EPB41L4A: variants seen among roughly 807,000 people sequenced by gnomAD.
EPB41L4A encodes band 4.1-like protein 4A.
In EPB41L4A, 100 loss-of-function variants were observed where a neutral mutation model predicts 108.6. The ratio of observed to expected loss-of-function variants is 0.92; its 90% CI spans 0.78 to 1.09. The LOEUF (loss-of-function observed/expected upper bound fraction) is 1.09, where lower values mean the gene tolerates loss of function less well. Ranked by LOEUF, EPB41L4A falls within the 50% of genes least tolerant of loss-of-function variation. The pLI, the probability that EPB41L4A is intolerant of heterozygous loss-of-function variation, is 0.00. For synonymous variants in EPB41L4A, 319 were observed against 289.0 expected (o/e 1.10, Z -1.05); for missense variants, 1,030 against 842.7 (o/e 1.22, Z -2.75).
rs116064648 is a variant in EPB41L4A at position 112,327,825 on chromosome 5, T to G, written c.100-20335A>C. ...ACAGAAAGGGAGAGAGGGAGGGAAG[T>G]GGGCAAGCAGAACTGGATTAGCAAT... On this transcript the variant is annotated intron_variant, in intron 1 of 22. Transcript: ENST00000261486. 5.8e-3 allele frequency among the ~76,000 whole-genome samples: 875 copies of G among 152,080 alleles called. 3 individuals are homozygous for G. Among genetic ancestry groups the G allele is most frequent in the Non-Finnish European group, 8.8e-3 (600 of 67,982 alleles).
chr5:112,191,358 G>C (rs1761690404), intron 17 of EPB41L4A, among the ~76,000 whole-genome samples: 1 of 152,022 alleles, frequency 6.6e-6, no homozygotes, highest in Admixed American at 6.5e-5. Flanking sequence ...CAGATGGGGT[G>C]GTTATTTACA....
Position 112,186,608 on chromosome 5 carries a change from C to T in EPB41L4A, c.1503-2473G>A, listed in dbSNP as rs112210332. 3.3e-5 allele frequency among the ~76,000 whole-genome samples: 5 copies of T among 152,304 alleles called. 1 individual carries two copies. Among genetic ancestry groups the T allele is most frequent in the African/African-American group, 1.2e-4 (5 of 41,568 alleles). On this transcript the variant is annotated intron_variant, in intron 17 of 22. Coordinates refer to ENST00000261486, the MANE Select transcript of EPB41L4A (RefSeq NM_022140.5). ...ATGCCCTCTACTGGCGATGCTGTTT[C>T]ATAAATATTCTAACAAGATGCATTA...
chr5:112,146,791 T>C (rs555035996), intron 12 of EPB41L4A, among the ~76,000 whole-genome samples: 5 of 152,298 alleles, frequency 3.3e-5, no homozygotes, highest in Admixed American at 2.6e-4. Flanking sequence ...TCCTCCTGGT[T>C]AGCTTAGAAC....
At chr5:112,283,900 A>T (rs1753115451) in intron 2 of EPB41L4A, among the ~76,000 whole-genome samples, 1 of 152,178 alleles carries the variant, frequency 6.6e-6, no homozygotes, top group South Asian at 2.1e-4. Context: ...TGAGTATACA[A>T]TGGCTTTACT....
intron 1 of EPB41L4A, among the ~76,000 whole-genome samples, chr5:112,412,965 C>G (rs1229995842): frequency 6.6e-6 from 1 of 152,190 alleles, no homozygotes; most frequent in African/African-American, 2.4e-5. Context: ...TAGGTTTAAA[C>G]AGCTTCAAGA....
chr5:112,297,806 T>C (rs1203743846), intron 2 of EPB41L4A, among the ~76,000 whole-genome samples: 1 of 152,194 alleles, frequency 6.6e-6, no homozygotes, highest in South Asian at 2.1e-4. Context: ...CCTTGATCCA[T>C]CTTGAGTTGA....
rs1369682818 is a variant in EPB41L4A at position 112,380,783 on chromosome 5, T to TCACACA, written c.99+38152_99+38157dup. On this transcript the variant is annotated intron_variant, in intron 1 of 22. Transcript: ENST00000261486. Reference sequence around the variant, plus strand: ...AAAAGAGAAACCCATCCTCTGCACATCACACACATACACACACACACACAC... The same window carrying TCACACA: ...AAAAGAGAAACCCATCCTCTGCACATCACACACACACACATACACACACACACACAC... Among the ~76,000 whole-genome samples, 46 of 120,182 alleles carry TCACACA rather than the reference T, an allele frequency of 3.8e-4. 1 individual carries two copies. Among genetic ancestry groups the TCACACA allele is most frequent in the South Asian group, 2.0e-3 (8 of 4,090 alleles). The allele number at this position is 120,182 out of a possible 152,430, so 78.8% of individuals were successfully genotyped here.
intron 1 of EPB41L4A, among the ~76,000 whole-genome samples, chr5:112,358,495 T>G (rs972163733): frequency 2.0e-5 from 3 of 152,182 alleles, no homozygotes; most frequent in African/African-American, 4.8e-5. Context: ...TAGAATCCCC[T>G]TGCAATCACA....
At chr5:112,383,808 T>A (rs987854084) in intron 1 of EPB41L4A, among the ~76,000 whole-genome samples, 1 of 151,818 alleles carries the variant, frequency 6.6e-6, no homozygotes, top group Non-Finnish European at 1.5e-5. Flanking sequence ...AAATGGTAAA[T>A]GAAAAAACAG....
intron 15 of EPB41L4A, among the ~76,000 whole-genome samples, chr5:112,199,758 T>C (rs1039655716): frequency 9.2e-5 from 14 of 152,212 alleles, no homozygotes; most frequent in African/African-American, 3.4e-4. Flanking sequence ...GGTTTCATTC[T>C]GGACAGCTCC....
At chr5:112,210,220 TA>T (rs1762669707) in intron 12 of EPB41L4A, 1 of 320,810 alleles carries the variant, frequency 3.1e-6, no homozygotes, top group African/African-American at 2.2e-5. Context: ...TTTCAGACTT[TA>T]AAACTAAGTC....
chr5:112,274,434 G>A (rs1310546824), intron 4 of EPB41L4A, among the ~76,000 whole-genome samples: 3 of 152,090 alleles, frequency 2.0e-5, no homozygotes, highest in Admixed American at 2.0e-4. Context: ...GATGAAAAAG[G>A]TCCAATTAGC....
downstream of EPB41L4A, chr5:112,158,493 G>A: frequency 3.0e-6 from 1 of 337,014 alleles, no homozygotes; most frequent in Non-Finnish European, 5.9e-6. Context: ...ATATATGCTG[G>A]CTGCCCCAGT....
At chr5:112,158,110 C>T (rs1421681109), downstream of EPB41L4A, among the ~76,000 whole-genome samples, 1 of 152,138 alleles carries the variant, frequency 6.6e-6, no homozygotes, top group African/African-American at 2.4e-5. Context: ...ATGCCTTCCT[C>T]TGCCTAATTT....
At chr5:112,380,792 TACACACACAC>T (rs34831455) in intron 1 of EPB41L4A, among the ~76,000 whole-genome samples, 59,722 of 141,078 alleles carry the variant, frequency 0.42, 12,289 homozygotes, top group Non-Finnish European at 0.49. Context: ...ATCACACACA[TACACACACAC>T]ACACACACAC....
At chr5:112,261,882 C>A (rs1368041335) in intron 7 of EPB41L4A, among the ~76,000 whole-genome samples, 1 of 141,554 alleles carries the variant, frequency 7.1e-6, no homozygotes, top group Admixed American at 7.6e-5. Context: ...CAATTACACA[C>A]CAATTTTTTT....
At chr5:112,307,513 T>G in intron 1 of EPB41L4A, 23 bp from the exon 2 acceptor site, 1 of 1,566,986 alleles carries the variant, frequency 6.4e-7, no homozygotes, top group Non-Finnish European at 8.8e-7. Flanking sequence ...TTCAGTTTTA[T>G]ATTTTTTAAC....
intron 1 of EPB41L4A, among the ~76,000 whole-genome samples, chr5:112,308,846 C>G (rs1754858005): frequency 6.6e-6 from 1 of 152,186 alleles, no homozygotes; most frequent in South Asian, 2.1e-4. Flanking sequence ...TCCCCGCACC[C>G]TTGCCAACAT....
intron 15 of EPB41L4A, among the ~76,000 whole-genome samples, chr5:112,196,256 C>T (rs1006589345): frequency 6.6e-6 from 1 of 152,154 alleles, no homozygotes; most frequent in Admixed American, 6.5e-5. Context: ...GGTGCTGGCT[C>T]TAGAGCCAGA....
Sources: gnomAD v4.1 joint callset for allele counts (sites outside exome capture counted in the v4.1 genomes callset) on GRCh38, gnomAD v4.1.1 for gene constraint, MANE v1.5 for transcripts, NCBI Gene and HGNC (gene_info 2026-07-23, HGNC 2026-07-21) for gene names.